MASP1: variants seen among roughly 807,000 people sequenced by gnomAD.
The protein encoded by MASP1 is mannan-binding lectin serine protease 1.
In MASP1, 59 loss-of-function variants were observed where a neutral mutation model predicts 77.1. The observed-to-expected ratio is 0.77, with a 90% CI of 0.62 to 0.95. MASP1 has a LOEUF of 0.95. Among genes scored for constraint, MASP1 ranks in the 40% least tolerant of loss-of-function variants. The pLI, the probability that MASP1 is intolerant of heterozygous loss-of-function variation, is 0.00. For synonymous variants in MASP1, 362 were observed against 354.5 expected, an observed-to-expected ratio of 1.02 and a Z score of -0.24; for missense variants, 885 against 912.9, an observed-to-expected ratio of 0.97 and a Z score of 0.39.
intron 1 of MASP1, among the ~76,000 whole-genome samples, chr3:187,287,221 G>A (rs1411424795): frequency 6.6e-6 from 1 of 152,150 alleles, no homozygotes; most frequent in Non-Finnish European, 1.5e-5. Context: ...TTTTGATCTG[G>A]CTGATCTGTC....
At chr3:187,237,096 T>G (rs997209508) in intron 10 of MASP1, among the ~76,000 whole-genome samples, 2 of 152,138 alleles carry the variant, frequency 1.3e-5, no homozygotes, top group Admixed American at 1.3e-4. Context: ...TGGCCTGGCT[T>G]TTCTCTTCCA....
chr3:187,262,497 G>GGAGA (rs141348175), intron 3 of MASP1, 46 bp downstream of exon 3: 5 of 1,476,428 alleles, frequency 3.4e-6, no homozygotes, highest in East Asian at 4.9e-5. Flanking sequence ...TTTCATCTTC[G>GGAGA]GAGAGAGAGA....
In MASP1 at chr3:187,281,593, G is replaced by T. The variant is rs77083173; in HGVS notation, c.237+4232C>A. Among the ~76,000 whole-genome samples the T allele has an allele frequency of 1.5e-3, 234 of 152,366 alleles. 1 individual carries two copies. Among genetic ancestry groups the T allele is most frequent in the African/African-American group, 5.2e-3 (215 of 41,584 alleles). ...ACCACCAAGGCATCCCCAGCAGGCT[G>T]CAGGCTCCTACTGGAGTGCTTGCAG... On this transcript the variant is annotated intron_variant, in intron 2 of 10. Transcript: ENST00000296280.
chr3:187,236,728 A>G (rs2108514876), intron 10 of MASP1, among the ~76,000 whole-genome samples, 161 bp from the exon 11 acceptor site: 1 of 152,240 alleles, frequency 6.6e-6, no homozygotes, highest in East Asian at 1.9e-4. Flanking sequence ...AGCTCTACTC[A>G]GGGTCATTTT....
Position 187,226,101 on chromosome 3 carries a change from G to A in MASP1, c.1555+306C>T, listed in dbSNP as rs12487320. The A allele has an allele frequency of 0.27, 110,464 of 411,952 alleles. 15,803 individuals carry two copies. Among genetic ancestry groups the A allele is most frequent in the Middle Eastern group, 0.31 (403 of 1,308 alleles). 25.5% of individuals were successfully genotyped at this position (411,952 alleles called of 1,614,324 possible). On this transcript the variant is annotated intron_variant, in intron 12 of 15. Transcript: ENST00000337774. ...ATAAACAAGAGGGGAAATCTGGATC[G>A]TATATGTATGATCTATTTGAAACCA...
rs149595086 is a variant in MASP1, at chr3:187,236,167, G to A, written c.1704C>T (p.His568=). Residue 568 remains histidine (H), a synonymous_variant, in exon 11 of 11, where the codon CAC becomes CAT. Coordinates refer to ENST00000296280, the MANE Select transcript of MASP1 (RefSeq NM_139125.4). The part of the protein sequence containing the change: ...QLQEPVPLGP[H]VMPVCLPRLE... ...GCCTTGGCAGGCAGACAGGCATAAC[G>A]TGGGGTCCCAGGGGCACAGGCTCCT... is the stretch of plus-strand genomic sequence containing the variant. 2.0e-5 allele frequency: 32 copies of A among 1,614,070 alleles called. No homozygotes were observed. The African/African-American group carries it at 2.1e-4, about 11-fold the overall frequency.
At chr3:187,286,239 C>G (rs1358954392) in intron 1 of MASP1, among the ~76,000 whole-genome samples, 183 bp from the exon 2 acceptor site, 1 of 152,184 alleles carries the variant, frequency 6.6e-6, no homozygotes, top group Non-Finnish European at 1.5e-5. Context: ...TAGATAATTT[C>G]TAAGATTTCT....
exon 16 of MASP1, chr3:187,218,104 G>A (rs555652507): frequency 1.6e-4 from 24 of 152,272 alleles, no homozygotes; most frequent in Non-Finnish European, 2.2e-4. Context: ...ACCTCTTCTG[G>A]GAAGCCTTCT....
downstream of MASP1, among the ~76,000 whole-genome samples, chr3:187,230,821 A>G (rs1199484195): frequency 3.3e-5 from 5 of 152,200 alleles, no homozygotes; most frequent in South Asian, 2.1e-4. Context: ...GCAAGACTAT[A>G]GTTCTAGGTC....
In MASP1 at chr3:187,234,565, G is replaced by A. The variant is rs1412850964; in HGVS notation, c.*1119C>T. On this transcript the variant is annotated 3_prime_UTR_variant, in exon 11 of 11. Coordinates refer to ENST00000296280, the MANE Select transcript of MASP1 (RefSeq NM_139125.4). The stretch of plus-strand genomic sequence containing the variant: ...CTGGCTCTTTTCACTGCCTGCCATG[G>A]GTGAGCCTCTGATTCCTTTGACTCT... 4.7e-6 allele frequency: 6 copies of A among 1,287,106 alleles called. No individual in the cohort carries two copies. The Admixed American group carries it at 1.1e-4, about 25-fold the overall frequency. 79.7% of individuals were successfully genotyped at this position (1,287,106 alleles called of 1,614,324 possible).
At chr3:187,267,896 C>G (rs1402451892) in intron 2 of MASP1, among the ~76,000 whole-genome samples, 1 of 47,550 alleles carries the variant, frequency 2.1e-5, no homozygotes, top group African/African-American at 7.1e-5. Context: ...ACTTGCCCAG[C>G]TCCTTCTATA....
intron 2 of MASP1, among the ~76,000 whole-genome samples, chr3:187,273,872 T>C (rs1182827090): frequency 1.3e-5 from 2 of 152,176 alleles, no homozygotes; most frequent in Non-Finnish European, 2.9e-5. Flanking sequence ...TTCTGGAGGT[T>C]GATGCTCCAG....
chr3:187,231,520 A>G (rs1712764892), downstream of MASP1, among the ~76,000 whole-genome samples: 1 of 152,254 alleles, frequency 6.6e-6, no homozygotes, highest in African/African-American at 2.4e-5. Context: ...CCATTTGAAT[A>G]TTTAACAGGT....
chr3:187,252,266 A>G (rs757211562), intron 6 of MASP1, among the ~76,000 whole-genome samples: 1 of 152,174 alleles, frequency 6.6e-6, no homozygotes, highest in Non-Finnish European at 1.5e-5. Flanking sequence ...GATTACATGA[A>G]CACTGCATTC....
intron 15 of MASP1, chr3:187,221,029 A>G (rs1231099216): frequency 1.2e-6 from 2 of 1,612,826 alleles, no homozygotes; most frequent in South Asian, 1.1e-5. Flanking sequence ...CAGCCTCTTA[A>G]CCCACCTTCC....
chr3:187,277,693 C>A (rs1717071324), intron 2 of MASP1, among the ~76,000 whole-genome samples: 1 of 152,200 alleles, frequency 6.6e-6, no homozygotes, highest in Non-Finnish European at 1.5e-5. Flanking sequence ...GGCTTTCCTG[C>A]AGAGACTTGA....
At chr3:187,254,835 C>T (rs1579523337) in intron 5 of MASP1, among the ~76,000 whole-genome samples, 1 of 152,128 alleles carries the variant, frequency 6.6e-6, no homozygotes, top group East Asian at 1.9e-4. Context: ...TGTTTTTTCC[C>T]CATCTTTGAG....
At chr3:187,220,567 G>A (rs1238370852) in intron 15 of MASP1, among the ~76,000 whole-genome samples, 1 of 141,074 alleles carries the variant, frequency 7.1e-6, no homozygotes, top group Non-Finnish European at 1.5e-5. Flanking sequence ...GCACGATCTC[G>A]GCTCACAGCA....
At chr3:187,261,197 A>G (rs1201425842) in intron 3 of MASP1, among the ~76,000 whole-genome samples, 2 of 152,190 alleles carry the variant, frequency 1.3e-5, no homozygotes, top group African/African-American at 2.4e-5. Flanking sequence ...AGAATTACAC[A>G]TTTGTTACTA....
Sources: gnomAD v4.1 joint callset for allele counts (sites outside exome capture counted in the v4.1 genomes callset) on GRCh38, gnomAD v4.1.1 for gene constraint, MANE v1.5 for transcripts, NCBI Gene and HGNC (gene_info 2026-07-23, HGNC 2026-07-21) for gene names.